ICE2: variants seen among roughly 807,000 people sequenced by gnomAD.
ICE2 encodes the protein little elongation complex subunit 2.
A neutral mutation model predicts 105.4 loss-of-function variants in ICE2; 87 were observed. The ratio of observed to expected loss-of-function variants is 0.83; its 90% confidence interval spans 0.69 to 0.99. The LOEUF (loss-of-function observed/expected upper bound fraction) is 0.99, where lower values mean the gene tolerates loss of function less well. ICE2 is among the 50% of genes least tolerant of loss of function. The pLI is 0.00. For synonymous variants in ICE2, 399 were observed against 392.0 expected, an observed-to-expected ratio of 1.02 and a Z score of -0.21; for missense variants, 1,323 against 1,146.7, an observed-to-expected ratio of 1.15 and a Z score of -2.22.
At chr15:60,426,077 G>A (rs1389431381) in intron 15 of ICE2, among the ~76,000 whole-genome samples, 1 of 152,174 alleles carries the variant, frequency 6.6e-6, no homozygotes, top group Non-Finnish European at 1.5e-5. Flanking sequence ...AATGCATGAA[G>A]CACACTCCGT....
At chr15:60,441,146 G>C (rs941280241) in intron 12 of ICE2, 2 of 152,092 alleles carry the variant, frequency 1.3e-5, no homozygotes, top group Admixed American at 6.6e-5. Flanking sequence ...AGTAGCTAAT[G>C]TTGAGATTGT....
chr15:60,426,947 C>T (rs995541426), intron 15 of ICE2, among the ~76,000 whole-genome samples: 1 of 152,180 alleles, frequency 6.6e-6, no homozygotes, highest in African/African-American at 2.4e-5. Flanking sequence ...TTCTAGTAAA[C>T]TGGAAACAGA....
chr15:60,456,351 T>C (rs984347195), intron 6 of ICE2, among the ~76,000 whole-genome samples: 2 of 150,152 alleles, frequency 1.3e-5, no homozygotes, highest in African/African-American at 2.4e-5. Flanking sequence ...GAGACCAGCC[T>C]GGCCAACATG....
At chr15:60,451,107 A>G in intron 9 of ICE2, 1 of 784,514 alleles carries the variant, frequency 1.3e-6, no homozygotes, top group Non-Finnish European at 1.5e-6. Context: ...GTGGTCATAA[A>G]TTTTTATTGT....
intron 5 of ICE2, among the ~76,000 whole-genome samples, chr15:60,459,897 AAC>A (rs1454354866): frequency 6.6e-6 from 1 of 152,258 alleles, no homozygotes; most frequent in Admixed American, 6.5e-5. Flanking sequence ...TTTAAAAAAA[AAC>A]ACAGAAAAAG....
intron 5 of ICE2, among the ~76,000 whole-genome samples, chr15:60,460,460 T>C (rs1194747490): frequency 6.6e-6 from 1 of 152,238 alleles, no homozygotes; most frequent in Non-Finnish European, 1.5e-5. Flanking sequence ...ATCACGCCAC[T>C]GTACTGCAGC....
At chr15:60,446,930 TAAAGG>T (rs143275204) in intron 11 of ICE2, among the ~76,000 whole-genome samples, 2,832 of 152,208 alleles carry the variant, frequency 0.019, 34 homozygotes, top group South Asian at 0.032. Context: ...CAAGAAAAAT[TAAAGG>T]AAACACACTT....
chr15:60,427,576 C>T (rs1450858126), intron 15 of ICE2, among the ~76,000 whole-genome samples: 3 of 152,122 alleles, frequency 2.0e-5, no homozygotes, highest in African/African-American at 7.2e-5. Flanking sequence ...AGGTGTGCAC[C>T]ATGATGCCAG....
intron 15 of ICE2, among the ~76,000 whole-genome samples, chr15:60,425,821 T>G (rs1274451762): frequency 6.6e-6 from 1 of 152,188 alleles, no homozygotes; most frequent in Non-Finnish European, 1.5e-5. Context: ...TATTTGCACT[T>G]AGATTGGTTG....
At chr15:60,430,474 A>G (rs1259364089) in intron 14 of ICE2, among the ~76,000 whole-genome samples, 2 of 147,856 alleles carry the variant, frequency 1.4e-5, no homozygotes, top group Non-Finnish European at 1.5e-5. Flanking sequence ...CACAATATAA[A>G]GCTAACACAC....
rs2063263821 is a variant in ICE2 at position 60,423,133 on chromosome 15, T to C, written c.*501A>G. 6.6e-6 allele frequency: 1 copy of C among 152,658 alleles called. No homozygotes were observed. The allele number at this position is 152,658 out of a possible 1,614,324, so 9.5% of individuals were successfully genotyped here. A position where few individuals can be genotyped will look rare whatever the true frequency, so the allele number is the denominator to read the frequency against. The stretch of plus-strand genomic sequence containing the variant: ...GAATTTCACCAAGTTTTTAAAGGTA[T>C]TAACTTTATTAACCTGTAACATTCA... On this transcript the variant is annotated 3_prime_UTR_variant, in exon 16 of 16. Coordinates refer to ENST00000261520, the MANE Select transcript of ICE2 (RefSeq NM_024611.6).
intron 1 of ICE2, among the ~76,000 whole-genome samples, chr15:60,478,363 A>C (rs2064828967): frequency 6.6e-6 from 1 of 152,240 alleles, no homozygotes; most frequent in African/African-American, 2.4e-5. Flanking sequence ...ATGGCATGGA[A>C]CGGGAAGTCA....
chr15:60,440,130 A>G (rs936445779), intron 12 of ICE2: 2 of 152,258 alleles, frequency 1.3e-5, no homozygotes. Flanking sequence ...ACAATAAACA[A>G]TTATAAACAG....
At chr15:60,467,261 C>T (rs942653510) in intron 4 of ICE2, among the ~76,000 whole-genome samples, 1 of 152,164 alleles carries the variant, frequency 6.6e-6, no homozygotes, top group Non-Finnish European at 1.5e-5. Context: ...CTGGGCCTGG[C>T]CTCAATTTTT....
intron 13 of ICE2, among the ~76,000 whole-genome samples, chr15:60,434,111 C>A (rs887883630): frequency 5.9e-5 from 9 of 152,190 alleles, no homozygotes; most frequent in Non-Finnish European, 1.2e-4. Flanking sequence ...GGGCATACCA[C>A]TCTAATATTT....
At chr15:60,440,466 A>G (rs542600506) in intron 12 of ICE2, 130 of 152,326 alleles carry the variant, frequency 8.5e-4, no homozygotes, top group African/African-American at 3.0e-3. Context: ...CAACTAGGGA[A>G]AGTGGGGAAC....
intron 9 of ICE2, among the ~76,000 whole-genome samples, chr15:60,450,406 T>G (rs1325491067): frequency 6.6e-6 from 1 of 152,070 alleles, no homozygotes; most frequent in Non-Finnish European, 1.5e-5. Flanking sequence ...TGACAGAAGG[T>G]GGTTTATTGT....
chr15:60,455,251 G>C lies in ICE2; in HGVS notation c.783+75C>G. ...AAAAAAAGTCAGAAAGGGGACTTTG[G>C]GACAATCGGGTTAGATATATTTTGT... On this transcript the variant is annotated intron_variant, in intron 7 of 15. Transcript: ENST00000261520. 3.9e-6 allele frequency: 6 copies of C among 1,519,412 alleles called. No individual in the cohort carries two copies. In the South Asian group the frequency reaches 7.1e-5, roughly 18 times the overall value. 94.1% of individuals were successfully genotyped at this position (1,519,412 alleles called of 1,614,324 possible). A position where few individuals can be genotyped will look rare whatever the true frequency, so the allele number is the denominator to read the frequency against.
chr15:60,462,356 G>A (rs887283542), intron 5 of ICE2, among the ~76,000 whole-genome samples: 1 of 152,106 alleles, frequency 6.6e-6, no homozygotes, highest in African/African-American at 2.4e-5. Flanking sequence ...ACATGGTGAT[G>A]ATAGTTAATT....
Sources: gnomAD v4.1 joint callset for allele counts (sites outside exome capture counted in the v4.1 genomes callset) on GRCh38, gnomAD v4.1.1 for gene constraint, MANE v1.5 for transcripts, NCBI Gene and HGNC (gene_info 2026-07-23, HGNC 2026-07-21) for gene names.